Variants in ARHGEF12 observed in about 807,000 individuals in gnomAD.
ARHGEF12 encodes the protein KMT2A/ARHGEF12 fusion protein.
Under a neutral mutation model 211.2 loss-of-function variants are expected in ARHGEF12, and 66 were observed. That is an observed-to-expected ratio of 0.31 (90% CI 0.26 to 0.38). The LOEUF (loss-of-function observed/expected upper bound fraction) is 0.38. Among genes scored for constraint, ARHGEF12 ranks in the 10% least tolerant of loss-of-function variants. ARHGEF12 has a pLI of 1.00. For missense variants in ARHGEF12, 1,429 were observed against 1,869.5 expected, an observed-to-expected ratio of 0.76 and a Z score of 4.34; for synonymous variants, 592 against 638.4, an observed-to-expected ratio of 0.93 and a Z score of 1.09.
rs1403303931 is a variant in ARHGEF12 at position 120,460,725 on chromosome 11, A to G, written c.2581A>G (p.Ile861Val). 15 of 1,613,942 alleles carry G rather than the reference A, an allele frequency of 9.3e-6. No homozygotes were observed. The highest frequency in any genetic ancestry group is 1.3e-5 in the Non-Finnish European group (15 of 1,179,932). Residue 861 changes from isoleucine to valine, a missense_variant, in exon 27 of 41, where the codon ATC becomes GTC. Ile to Val is a conservative substitution (Grantham distance 29). This residue lies in a region of ARHGEF12 where 223 missense variants were observed against 444.6 expected (regional missense o/e 0.50). Transcript: ENST00000397843. ...AVRKRNETSV[I>V]DQIGEDLLTW... ...TCGAAAGAGAAATGAGACCTCTGTT[A>G]TCGATCAGATTGGGGAAGATTTGCT...
chr11:120,460,697 T>C lies in ARHGEF12; in HGVS notation c.2553T>C (p.Ala851=). Residue 851 remains alanine (A), a synonymous_variant, in exon 27 of 41, where the codon GCT becomes GCC. Transcript: ENST00000397843. The part of the protein sequence containing the change: ...LHIGLNEQMK[A]VRKRNETSVI... ...TTGGATTGAATGAACAAATGAAGGCTGTTCGAAAGAGAAATGAGACCTCTG... is the reference window on the plus strand; with the variant it reads ...TTGGATTGAATGAACAAATGAAGGCCGTTCGAAAGAGAAATGAGACCTCTG... 21 of 1,613,914 alleles carry C rather than the reference T, an allele frequency of 1.3e-5. No individual in the cohort carries two copies. The highest frequency in any genetic ancestry group is 1.8e-5 in the Non-Finnish European group (21 of 1,179,918).
chr11:120,376,662 T>C (rs991266843), intron 1 of ARHGEF12, among the ~76,000 whole-genome samples: 5 of 152,196 alleles, frequency 3.3e-5, no homozygotes, highest in African/African-American at 4.8e-5. Context: ...ACATTCCAAT[T>C]ATACTCTTCT....
intron 32 of ARHGEF12, 150 bp downstream of exon 32, chr11:120,474,785 G>A (rs1254128253): frequency 5.1e-6 from 3 of 586,934 alleles, no homozygotes; most frequent in Non-Finnish European, 9.0e-6. Flanking sequence ...AGATCTGCTT[G>A]TGTTATTTCA....
intron 22 of ARHGEF12, among the ~76,000 whole-genome samples, chr11:120,456,478 A>G (rs979163226): frequency 6.7e-6 from 1 of 148,788 alleles, no homozygotes; most frequent in Non-Finnish European, 1.5e-5. Flanking sequence ...CAAAATCCTC[A>G]GAGGGGAAAG....
intron 26 of ARHGEF12, among the ~76,000 whole-genome samples, chr11:120,459,679 A>G (rs1484569340): frequency 2.0e-5 from 3 of 152,224 alleles, no homozygotes; most frequent in East Asian, 1.9e-4. Context: ...AGTGTATGGT[A>G]TATAATCACA....
chr11:120,448,482 G>C (rs1023249925), intron 20 of ARHGEF12, 134 bp downstream of exon 20: 4 of 650,160 alleles, frequency 6.2e-6, no homozygotes, highest in African/African-American at 5.5e-5. Context: ...ATAAGATACT[G>C]TCTCTGTTCT....
chr11:120,369,282 GC>G (rs1943522737), intron 1 of ARHGEF12, among the ~76,000 whole-genome samples: 1 of 151,542 alleles, frequency 6.6e-6, no homozygotes, highest in Admixed American at 6.6e-5. Context: ...GCGCACACCC[GC>G]ACAACTGGCT....
intron 37 of ARHGEF12, 108 bp from the exon 38 acceptor site, chr11:120,479,852 G>T (rs1947174860): frequency 1.3e-5 from 11 of 848,038 alleles, no homozygotes; most frequent in South Asian, 1.0e-4. Context: ...GTCATTAAAA[G>T]ATACTTTTTA....
intron 7 of ARHGEF12, among the ~76,000 whole-genome samples, chr11:120,427,614 G>A (rs1945385858): frequency 6.6e-6 from 1 of 151,238 alleles, no homozygotes; most frequent in South Asian, 2.1e-4. Context: ...CGAGGCTGCA[G>A]TGAGCTGAGA....
At chr11:120,454,328 A>G (rs559152105) in intron 22 of ARHGEF12, among the ~76,000 whole-genome samples, 69 of 152,358 alleles carry the variant, frequency 4.5e-4, no homozygotes, top group Non-Finnish European at 1.0e-4. Context: ...AATTTTCCCT[A>G]CAAGAGAAAG....
chr11:120,447,304 T>A, intron 18 of ARHGEF12: 1 of 445,216 alleles, frequency 2.2e-6, no homozygotes, highest in South Asian at 5.0e-5. Context: ...AATGGGTAAC[T>A]CTAAAACTTC....
chr11:120,427,762 TAAAGA>T (rs142660819), intron 7 of ARHGEF12, among the ~76,000 whole-genome samples: 458 of 152,154 alleles, frequency 3.0e-3, no homozygotes, highest in African/African-American at 0.01. Flanking sequence ...CTCCTCTAAA[TAAAGA>T]AAATATATAA....
chr11:120,338,953 TATAAACATTCA>T (rs1216550583), intron 1 of ARHGEF12, among the ~76,000 whole-genome samples: 2 of 151,970 alleles, frequency 1.3e-5, no homozygotes, highest in Admixed American at 6.6e-5. Context: ...GTAGATGGCA[TATAAACATTCA>T]ATAAATATGA....
intron 13 of ARHGEF12, 68 bp from the exon 14 acceptor site, chr11:120,441,639 A>G (rs1017859610): frequency 1.9e-5 from 25 of 1,297,446 alleles, no homozygotes; most frequent in African/African-American, 1.5e-4. Context: ...GCTATGTTCA[A>G]TTGAGCCTAC....
At chr11:120,398,439 G>A (rs1190453313) in intron 1 of ARHGEF12, among the ~76,000 whole-genome samples, 1 of 152,156 alleles carries the variant, frequency 6.6e-6, no homozygotes, top group Admixed American at 6.6e-5. Context: ...GTCAAGAAAA[G>A]CTTTTGTAGA....
intron 34 of ARHGEF12, 132 bp from the exon 35 acceptor site, chr11:120,477,087 G>GT: frequency 2.4e-6 from 1 of 425,046 alleles, no homozygotes; most frequent in Non-Finnish European, 4.4e-6. Flanking sequence ...GGGTTTTGTT[G>GT]TTGTTGTTGT....
chr11:120,355,280 G>A (rs894108546), intron 1 of ARHGEF12, among the ~76,000 whole-genome samples: 1 of 152,040 alleles, frequency 6.6e-6, no homozygotes, highest in Admixed American at 6.6e-5. Context: ...ATAAATTATT[G>A]TTGCTTTTAT....
At chr11:120,471,895 C>A (rs1946879990) in intron 30 of ARHGEF12, among the ~76,000 whole-genome samples, 1 of 152,100 alleles carries the variant, frequency 6.6e-6, no homozygotes, top group South Asian at 2.1e-4. Flanking sequence ...GGAAATTTAT[C>A]CTACAGATAT....
Position 120,407,733 on chromosome 11 carries a change from T to C in ARHGEF12, c.57-5T>C. On this transcript the variant is annotated splice_polypyrimidine_tract_variant and splice_region_variant and intron_variant, in intron 2 of 40. Transcript: ENST00000397843. ...TAAGCATTTGATTACTTTGCTTTAA[T>C]TTAGGCATGGAAGTATTTTGAACCG... is the stretch of plus-strand genomic sequence containing the variant. 1 of 1,611,440 alleles carries C rather than the reference T, an allele frequency of 6.2e-7. No homozygotes were observed. The highest frequency in any genetic ancestry group is 8.5e-7 in the Non-Finnish European group (1 of 1,178,400).
Sources: gnomAD v4.1 joint callset for allele counts (sites outside exome capture counted in the v4.1 genomes callset) on GRCh38, gnomAD v4.1.1 for gene constraint, gnomAD v4.1.1 regional missense constraint, MANE v1.5 for transcripts, NCBI Gene and HGNC (gene_info 2026-07-23, HGNC 2026-07-21) for gene names.